NPSR1: variants seen among roughly 807,000 people sequenced by gnomAD.
The protein encoded by NPSR1 is neuropeptide S receptor.
A neutral mutation model predicts 46.9 loss-of-function variants in NPSR1; 48 were observed. The ratio of observed to expected loss-of-function variants is 1.02; its 90% CI spans 0.81 to 1.30. NPSR1 has a LOEUF of 1.30. NPSR1 is among the 50% of genes most tolerant of loss of function. The pLI is 0.00. For synonymous variants in NPSR1, 176 were observed against 168.1 expected (o/e 1.05, Z -0.36); for missense variants, 450 against 449.5 (o/e 1.00, Z -0.01).
At chr7:34,761,150 G>A (rs748690523) in intron 2 of NPSR1, 1 of 152,712 alleles carries the variant, frequency 6.5e-6, no homozygotes, top group Non-Finnish European at 1.5e-5. Flanking sequence ...AGCGGATGCT[G>A]AAACAGAGTC....
intron 2 of NPSR1, chr7:34,719,671 C>T (rs1392197596): frequency 6.6e-6 from 1 of 152,166 alleles, no homozygotes; most frequent in Non-Finnish European, 1.5e-5. Flanking sequence ...ACTGTATTCC[C>T]ATATTGCTGC....
chr7:34,858,757 C>G (rs1408967300), intron 8 of NPSR1, among the ~76,000 whole-genome samples: 2 of 151,716 alleles, frequency 1.3e-5, no homozygotes, highest in African/African-American at 4.9e-5. Context: ...GACCCATTCA[C>G]TATCACAAGA....
intron 1 of NPSR1, among the ~76,000 whole-genome samples, chr7:34,673,131 A>G (rs544770070): frequency 5.9e-5 from 9 of 152,214 alleles, no homozygotes; most frequent in South Asian, 4.2e-4. Context: ...CTGCTGACCA[A>G]CCATGACCAG....
intron 2 of NPSR1, among the ~76,000 whole-genome samples, chr7:34,776,664 TCAGC>T (rs1242986711): frequency 2.0e-5 from 3 of 152,208 alleles, no homozygotes; most frequent in African/African-American, 7.2e-5. Context: ...TTCAATCCGT[TCAGC>T]CACTTGGTGA....
At chr7:34,870,743 A>T (rs1160102144) in intron 8 of NPSR1, among the ~76,000 whole-genome samples, 1 of 151,810 alleles carries the variant, frequency 6.6e-6, no homozygotes, top group African/African-American at 2.4e-5. Context: ...CTGGGAATTT[A>T]TGAAAATCTT....
At chr7:34,855,681 A>G (rs892458597) in intron 8 of NPSR1, among the ~76,000 whole-genome samples, 4 of 152,174 alleles carry the variant, frequency 2.6e-5, no homozygotes, top group Admixed American at 6.5e-5. Flanking sequence ...GAGGCTAAAA[A>G]AACCTCAATA....
chr7:34,866,849 T>C (rs1246696049), intron 8 of NPSR1, among the ~76,000 whole-genome samples: 4 of 151,752 alleles, frequency 2.6e-5, no homozygotes, highest in Non-Finnish European at 5.9e-5. Flanking sequence ...GCAAAACCCA[T>C]GCCAAATTGA....
intron 2 of NPSR1, among the ~76,000 whole-genome samples, chr7:34,717,235 C>T (rs1330971056): frequency 4.6e-5 from 7 of 152,146 alleles, no homozygotes; most frequent in African/African-American, 1.2e-4. Context: ...CGGGTTCAAG[C>T]GATTCTCCTG....
At chr7:34,848,333 C>T in intron 7 of NPSR1, 150 bp from the exon 8 acceptor site, 1 of 689,792 alleles carries the variant, frequency 1.4e-6, no homozygotes, top group Admixed American at 2.3e-5. Context: ...GTGAATATGA[C>T]ATCAATGCTC....
chr7:34,774,312 GC>G (rs1786838993), intron 2 of NPSR1, among the ~76,000 whole-genome samples: 1 of 152,130 alleles, frequency 6.6e-6, no homozygotes, highest in African/African-American at 2.4e-5. Flanking sequence ...CTATGCAAGG[GC>G]ACTGGTACAA....
intron 4 of NPSR1, among the ~76,000 whole-genome samples, chr7:34,818,527 C>A (rs1789371684): frequency 6.6e-6 from 1 of 152,158 alleles, no homozygotes; most frequent in South Asian, 2.1e-4. Flanking sequence ...CCATCCCCAT[C>A]AAGCTACCAA....
intron 6 of NPSR1, among the ~76,000 whole-genome samples, chr7:34,834,921 C>CG (rs1168257651): frequency 6.6e-6 from 1 of 152,224 alleles, no homozygotes; most frequent in Non-Finnish European, 1.5e-5. Context: ...AGTAAAGGCA[C>CG]GGTAGTCCAT....
chr7:34,739,752 G>A (rs991365897), intron 2 of NPSR1, among the ~76,000 whole-genome samples: 6 of 152,186 alleles, frequency 3.9e-5, no homozygotes, highest in African/African-American at 1.4e-4. Context: ...GTCCTGTGAT[G>A]TGAACCATCT....
At chr7:34,743,536 G>A (rs1785056601) in intron 2 of NPSR1, among the ~76,000 whole-genome samples, 1 of 151,874 alleles carries the variant, frequency 6.6e-6, no homozygotes, top group Admixed American at 6.6e-5. Context: ...CGCCTCCTGG[G>A]TTCAAGCAAT....
chr7:34,818,101 T>G (rs1789344203), intron 4 of NPSR1, among the ~76,000 whole-genome samples: 1 of 149,570 alleles, frequency 6.7e-6, no homozygotes, highest in Non-Finnish European at 1.5e-5. Flanking sequence ...TAAAGCGTAT[T>G]CAATTAGGAA....
At chr7:34,756,857 C>T (rs185670077) in intron 2 of NPSR1, among the ~76,000 whole-genome samples, 41 of 152,296 alleles carry the variant, frequency 2.7e-4, no homozygotes, top group Admixed American at 9.2e-4. Flanking sequence ...AGAGCAGGTG[C>T]CATGCATTCA....
intron 5 of NPSR1, among the ~76,000 whole-genome samples, chr7:34,829,535 C>T (rs1477812022): frequency 3.3e-5 from 5 of 152,180 alleles, no homozygotes; most frequent in African/African-American, 4.8e-5. Flanking sequence ...ACTGAGGCAT[C>T]GATTTCAGTG....
intron 3 of NPSR1, among the ~76,000 whole-genome samples, chr7:34,803,613 T>C (rs1050980817): frequency 3.3e-5 from 5 of 151,932 alleles, no homozygotes; most frequent in African/African-American, 1.2e-4. Context: ...ATATACCTAA[T>C]GCTAAATGAC....
At chr7:34,754,797 T>G (rs1409225055) in intron 2 of NPSR1, among the ~76,000 whole-genome samples, 1 of 152,106 alleles carries the variant, frequency 6.6e-6, no homozygotes, top group African/African-American at 2.4e-5. Context: ...CCACCTCACA[T>G]CCTCCGTAAC....
Sources: gnomAD v4.1 joint callset for allele counts (sites outside exome capture counted in the v4.1 genomes callset) on GRCh38, gnomAD v4.1.1 for gene constraint, MANE v1.5 for transcripts, NCBI Gene and HGNC (gene_info 2026-07-23, HGNC 2026-07-21) for gene names.